The following PLD5 variants were observed in gnomAD, a reference collection of about 807,000 sequenced individuals.
PLD5 encodes the protein inactive phospholipase D5.
PLD5 carries 36 observed loss-of-function variants against 61.1 expected under a neutral mutation model. The ratio of observed to expected loss-of-function variants is 0.59; its 90% CI spans 0.45 to 0.78. The LOEUF is 0.78. Among genes scored for constraint, PLD5 ranks in the 30% least tolerant of loss-of-function variants. The pLI is 0.00. For synonymous variants in PLD5, 243 were observed against 242.8 expected, an observed-to-expected ratio of 1.00 and a Z score of -0.01; for missense variants, 515 against 644.4, an observed-to-expected ratio of 0.80 and a Z score of 2.17.
At chr1:242,091,492 G>T (rs533168539) in intron 9 of PLD5, among the ~76,000 whole-genome samples, 74 of 152,286 alleles carry the variant, frequency 4.9e-4, no homozygotes, top group African/African-American at 1.7e-3. Context: ...TGAGAAAACA[G>T]CCTAAAGATA....
intron 1 of PLD5, among the ~76,000 whole-genome samples, chr1:242,395,655 G>C (rs74822447): frequency 0.02 from 3,063 of 152,246 alleles, 116 homozygotes; most frequent in East Asian, 0.11. Flanking sequence ...AGATGACCAC[G>C]GCTAATGGAA....
intron 1 of PLD5, among the ~76,000 whole-genome samples, chr1:242,441,429 C>A (rs1666269014): frequency 6.6e-6 from 1 of 151,900 alleles, no homozygotes; most frequent in African/African-American, 2.4e-5. Context: ...TTTCTTTTCA[C>A]CATGTTATGA....
intron 1 of PLD5, among the ~76,000 whole-genome samples, chr1:242,377,661 TA>T (rs1012979649): frequency 1.3e-5 from 2 of 151,612 alleles, no homozygotes; most frequent in African/African-American, 4.8e-5. Flanking sequence ...AATAAATAAA[TA>T]AATAAAACAA....
At chr1:242,358,082 T>C (rs929271874) in intron 1 of PLD5, among the ~76,000 whole-genome samples, 1 of 152,156 alleles carries the variant, frequency 6.6e-6, no homozygotes, top group Non-Finnish European at 1.5e-5. Flanking sequence ...GATTTCTATT[T>C]GGGTATTTTT....
intron 1 of PLD5, among the ~76,000 whole-genome samples, chr1:242,460,285 C>G (rs1342925887): frequency 6.6e-6 from 1 of 152,142 alleles, no homozygotes; most frequent in Admixed American, 6.5e-5. Flanking sequence ...GCTGGTATAT[C>G]CAGTGCATTG....
chr1:242,207,768 A>ATATATTTATATATATT lies in PLD5; in HGVS notation c.735+12204_735+12219dup, dbSNP rs1669429446. Reference sequence around the variant, plus strand: ...TATATTTATATATATTTATATTTATATATATTTATATATATTTATATTTAT... The same window carrying ATATATTTATATATATT: ...TATATTTATATATATTTATATTTATATATATTTATATATATTTATATTTATATATATTTATATTTAT... On this transcript the variant is annotated intron_variant, in intron 5 of 9. Transcript: ENST00000536534. Among the ~76,000 whole-genome samples the ATATATTTATATATATT allele has an allele frequency of 1.3e-4, 11 of 85,460 alleles. No homozygotes were observed. The South Asian group carries it at 3.4e-3, about 27-fold the overall frequency. 56.1% of individuals were successfully genotyped at this position (85,460 alleles called of 152,430 possible).
Position 242,200,128 on chromosome 1 carries a change from T to C in PLD5, c.735+19860A>G, listed in dbSNP as rs183905229. On this transcript the variant is annotated intron_variant, in intron 5 of 9. Coordinates refer to ENST00000536534, the MANE Select transcript of PLD5 (RefSeq NM_001372062.1). ...AGTGAGTAAATGGACTTTTCCTTTTTCCTAAAGGGAAAGCCATAGTCATGC... is the reference window on the plus strand; with the variant it reads ...AGTGAGTAAATGGACTTTTCCTTTTCCCTAAAGGGAAAGCCATAGTCATGC... Among the ~76,000 whole-genome samples the C allele has an allele frequency of 1.6e-3, 238 of 152,320 alleles. 1 individual carries two copies. In the South Asian group the frequency reaches 0.016, roughly 10 times the overall value.
At chr1:242,508,859 T>C (rs970317197) in intron 1 of PLD5, among the ~76,000 whole-genome samples, 2 of 152,182 alleles carry the variant, frequency 1.3e-5, no homozygotes, top group African/African-American at 4.8e-5. Flanking sequence ...GGCAGGTGGA[T>C]CACTTGAGAT....
At chr1:242,329,883 A>C (rs900909273) in intron 2 of PLD5, among the ~76,000 whole-genome samples, 1 of 152,228 alleles carries the variant, frequency 6.6e-6, no homozygotes, top group African/African-American at 2.4e-5. Flanking sequence ...ACCCAGCTTC[A>C]CAAGTGTTGA....
intron 1 of PLD5, among the ~76,000 whole-genome samples, chr1:242,455,447 G>A (rs994769639): frequency 3.3e-5 from 5 of 152,112 alleles, no homozygotes; most frequent in African/African-American, 7.2e-5. Flanking sequence ...ATTTAGTGAT[G>A]GTGAAACAAG....
At chr1:242,489,014 C>A (rs189814815) in intron 1 of PLD5, among the ~76,000 whole-genome samples, 13 of 152,220 alleles carry the variant, frequency 8.5e-5, no homozygotes, top group African/African-American at 3.1e-4. Context: ...GGAAGTAAAT[C>A]TCTGTAAGAA....
intron 4 of PLD5, among the ~76,000 whole-genome samples, chr1:242,244,739 A>C (rs1401461150): frequency 6.6e-6 from 1 of 152,242 alleles, no homozygotes; most frequent in Non-Finnish European, 1.5e-5. Flanking sequence ...TCAACTTCTC[A>C]TGATGCCTTC....
At chr1:242,435,534 G>A (rs141115906) in intron 1 of PLD5, among the ~76,000 whole-genome samples, 236 of 152,270 alleles carry the variant, frequency 1.5e-3, no homozygotes, top group East Asian at 7.7e-3. Flanking sequence ...GATAAGCTTT[G>A]TTCAGGCCTA....
intron 1 of PLD5, among the ~76,000 whole-genome samples, chr1:242,446,177 A>G (rs1288015007): frequency 6.6e-6 from 1 of 152,014 alleles, no homozygotes; most frequent in Non-Finnish European, 1.5e-5. Flanking sequence ...ACCACTATGC[A>G]ATCTATGCAT....
chr1:242,174,043 C>T (rs975365515), intron 5 of PLD5, among the ~76,000 whole-genome samples: 2 of 152,148 alleles, frequency 1.3e-5, no homozygotes, highest in Admixed American at 1.3e-4. Flanking sequence ...CCAAAATGGA[C>T]AAATGGGATC....
intron 9 of PLD5, 132 bp from the exon 10 acceptor site, chr1:242,090,242 G>A: frequency 8.4e-7 from 1 of 1,189,556 alleles, no homozygotes; most frequent in Non-Finnish European, 1.2e-6. Context: ...GCTGAATTGT[G>A]TTGACAGCTC....
chr1:242,345,003 T>C (rs890422504), intron 2 of PLD5, among the ~76,000 whole-genome samples: 2 of 152,212 alleles, frequency 1.3e-5, no homozygotes, highest in African/African-American at 2.4e-5. Context: ...TCAGATCTCG[T>C]GAGACTTATT....
At chr1:242,300,450 A>G (rs910098195) in intron 2 of PLD5, among the ~76,000 whole-genome samples, 1,102 of 14,066 alleles carry the variant, frequency 0.078, 16 homozygotes, top group African/African-American at 0.11. Flanking sequence ...AGGAGGAGGA[A>G]GAAGAAAGAA....
At chr1:242,210,592 G>C (rs532022996) in intron 5 of PLD5, 2 of 152,560 alleles carry the variant, frequency 1.3e-5, no homozygotes, top group South Asian at 4.2e-4. Flanking sequence ...CTTGCCTTAA[G>C]TGATGGCATT....
Sources: gnomAD v4.1 joint callset for allele counts (sites outside exome capture counted in the v4.1 genomes callset) on GRCh38, gnomAD v4.1.1 for gene constraint, MANE v1.5 for transcripts, NCBI Gene and HGNC (gene_info 2026-07-23, HGNC 2026-07-21) for gene names.